Variants in DNAH17 observed in about 807,000 individuals in gnomAD.
The protein encoded by DNAH17 is dynein axonemal heavy chain 17, also known as axonemal beta dynein heavy chain 17.
Under a neutral mutation model 485.6 loss-of-function variants are expected in DNAH17, and 376 were observed. That is an observed-to-expected ratio of 0.77 (90% CI 0.71 to 0.84). The LOEUF is 0.84. DNAH17 is among the 40% of genes least tolerant of loss of function. The probability of loss-of-function intolerance (pLI) is 0.00; values close to 1 mark genes in which losing one functional copy is unlikely to be tolerated. For missense variants in DNAH17, 6,370 were observed against 5,839.3 expected (o/e 1.09, Z -2.96); for synonymous variants, 3,031 against 2,405.9 (o/e 1.26, Z -7.60).
In DNAH17 at chr17:78,450,194, G is replaced by T. The variant is rs1245054113; in HGVS notation, c.11040+60C>A. ...GGCTGTGTGGGCAACAGGCCTGGCT[G>T]TGGAGCCCAGATGCAGCCCCACCTT... On this transcript the variant is annotated intron_variant, in intron 68 of 80. Coordinates refer to ENST00000389840, the MANE Select transcript of DNAH17 (RefSeq NM_173628.4). 2.5e-6 allele frequency: 4 copies of T among 1,596,404 alleles called. No homozygotes were observed. In the African/African-American group the frequency reaches 5.4e-5, roughly 21 times the overall value.
intron 25 of DNAH17, among the ~76,000 whole-genome samples, chr17:78,521,345 G>T (rs564651646): frequency 1.3e-5 from 2 of 152,244 alleles, no homozygotes; most frequent in Non-Finnish European, 2.9e-5. Context: ...GGTGGAGGTT[G>T]CAGTGAGCCA....
Position 78,479,554 on chromosome 17 carries a change from G to A in DNAH17, c.7831C>T (p.His2611Tyr). 6.2e-7 allele frequency: 1 copy of A among 1,613,688 alleles called. No homozygotes were observed. The highest frequency in any genetic ancestry group is 1.1e-5 in the South Asian group (1 of 91,082). The change falls in exon 50 of 81, where the codon CAC becomes TAC. Residue 2611 changes from histidine (H) to tyrosine (Y), a missense_variant. His to Tyr is a moderately conservative substitution (Grantham distance 83). Transcript: ENST00000389840. ...TTIYNTILTQ[H>Y]LAFRSVSMAI... The stretch of plus-strand genomic sequence containing the variant: ...ATGGAGACCGAGCGGAAGGCCAGGT[G>A]CTGCGTCAGGATTGTGTTGTAGATG...
chr17:78,477,975 TCATCATCACCAC>T (rs1403597143), intron 51 of DNAH17, among the ~76,000 whole-genome samples: 43 of 105,680 alleles, frequency 4.1e-4, no homozygotes, highest in African/African-American at 2.4e-3. Flanking sequence ...ACCACCACCA[TCATCATCACCAC>T]CATCACCACC....
At chr17:78,531,049 T>C (rs573138825) in intron 20 of DNAH17, among the ~76,000 whole-genome samples, 1 of 152,238 alleles carries the variant, frequency 6.6e-6, no homozygotes. Context: ...TCTGTAGCTG[T>C]CTGTTGGTCC....
intron 51 of DNAH17, among the ~76,000 whole-genome samples, chr17:78,477,742 C>T (rs2089100460): frequency 6.6e-6 from 1 of 152,114 alleles, no homozygotes; most frequent in Non-Finnish European, 1.5e-5. Context: ...AACTCCTGCT[C>T]AGTAAAATGG....
At position 78,451,455 on chromosome 17, in the gene DNAH17, C is replaced by A; in HGVS notation, c.10734+14G>T. 6.3e-7 allele frequency: 1 copy of A among 1,599,922 alleles called. No homozygotes were observed. The highest frequency in any genetic ancestry group is 8.5e-7 in the Non-Finnish European group (1 of 1,173,650). On this transcript the variant is annotated intron_variant, in intron 66 of 80. Coordinates refer to ENST00000389840, the MANE Select transcript of DNAH17 (RefSeq NM_173628.4). ...CGGCACCTCCTCCCGTGTGACCAAA[C>A]TTCAGGCCATTACCTTCAGCTGTTC...
At position 78,458,575 on chromosome 17, in the gene DNAH17, G is replaced by C; in HGVS notation, c.9967C>G (p.Leu3323Val). 1 of 1,613,892 alleles carries C rather than the reference G, an allele frequency of 6.2e-7. No homozygotes were observed. Among genetic ancestry groups the C allele is most frequent in the African/African-American group, 1.3e-5 (1 of 75,042 alleles). Residue 3323 changes from leucine (L) to valine (V), a missense_variant, in exon 62 of 81, where the codon CTG becomes GTG. Leu to Val is a conservative substitution (Grantham distance 32). Coordinates refer to ENST00000389840, the MANE Select transcript of DNAH17 (RefSeq NM_173628.4). ...EADATNRVIL[L>V]ANRLVGGLAS... ...GGGAGGAGCTGATACCTGTTCGCCA[G>C]TAAGATCACCCTGTTCGTGGCATCG...
intron 16 of DNAH17, among the ~76,000 whole-genome samples, chr17:78,547,048 C>G (rs1372832029): frequency 6.6e-6 from 1 of 152,170 alleles, no homozygotes; most frequent in African/African-American, 2.4e-5. Context: ...ATGGTTTCTA[C>G]CATTTATATT....
chr17:78,461,862 A>G (rs553239656), intron 57 of DNAH17, among the ~76,000 whole-genome samples, 154 bp from the exon 58 acceptor site: 6 of 152,206 alleles, frequency 3.9e-5, no homozygotes, highest in South Asian at 2.1e-4. Flanking sequence ...AGTCTTTTCA[A>G]TATCTTAAAA....
intron 74 of DNAH17, among the ~76,000 whole-genome samples, chr17:78,435,003 G>A (rs993577156): frequency 6.6e-6 from 1 of 152,198 alleles, no homozygotes; most frequent in Non-Finnish European, 1.5e-5. Flanking sequence ...CCTGTCCTGG[G>A]CATCATGGAA....
At chr17:78,468,944 C>T in intron 54 of DNAH17, 61 bp from the exon 55 acceptor site, 1 of 1,555,732 alleles carries the variant, frequency 6.4e-7, no homozygotes, top group South Asian at 1.2e-5. Flanking sequence ...TAGAGACATC[C>T]TCCACAACCA....
At chr17:78,564,754 C>T (rs1324009413) in intron 11 of DNAH17, among the ~76,000 whole-genome samples, 1 of 152,134 alleles carries the variant, frequency 6.6e-6, no homozygotes, top group Non-Finnish European at 1.5e-5. Context: ...AACTCAAATC[C>T]AGTGCCTGAC....
intron 48 of DNAH17, among the ~76,000 whole-genome samples, chr17:78,484,496 G>A (rs1272147329): frequency 6.6e-6 from 1 of 152,096 alleles, no homozygotes; most frequent in African/African-American, 2.4e-5. Context: ...GTTTTCCTCA[G>A]GGCTCTTCCT....
At chr17:78,497,847 T>TA (rs1256687598) in intron 37 of DNAH17, among the ~76,000 whole-genome samples, 6 of 152,080 alleles carry the variant, frequency 3.9e-5, no homozygotes, top group Non-Finnish European at 7.4e-5. Context: ...AGTTGGTGTA[T>TA]AAAGCAGGCT....
chr17:78,443,047 C>T (rs540558601), intron 71 of DNAH17, among the ~76,000 whole-genome samples: 152 of 152,314 alleles, frequency 1.0e-3, no homozygotes, highest in Non-Finnish European at 1.9e-3. Flanking sequence ...GAGGGATGAT[C>T]TGCGCTCATG....
chr17:78,574,907 C>T lies in DNAH17; in HGVS notation c.151G>A (p.Val51Met). Reference sequence around the variant, plus strand: ...GCTGCATTGAGCGTCAGCACCAGCACCTGGACGTCGGGCTTTTCAAAGAAC... The same window carrying T: ...GCTGCATTGAGCGTCAGCACCAGCATCTGGACGTCGGGCTTTTCAAAGAAC... Reference protein sequence around the residue: ...TEFFEKPDVQVLVLTLNAAGM... With the variant: ...TEFFEKPDVQMLVLTLNAAGM... The change falls in exon 2 of 81, where the codon GTG becomes ATG. Residue 51 changes from valine to methionine, a missense_variant. Val to Met is a conservative substitution (Grantham distance 21, BLOSUM62 1). Coordinates refer to ENST00000389840, the MANE Select transcript of DNAH17 (RefSeq NM_173628.4). The T allele has an allele frequency of 6.2e-7, 1 of 1,614,004 alleles. No individual in the cohort carries two copies. Among genetic ancestry groups the T allele is most frequent in the Admixed American group, 1.7e-5 (1 of 60,028 alleles).
chr17:78,507,274 G>T lies in DNAH17; in HGVS notation c.4676+4C>A. ...CCCCTGGTCTGGATAGGTGTGAGCCGCACCTCTTCTTCAGGGCCTCCAGTT... is the reference window on the plus strand; with the variant it reads ...CCCCTGGTCTGGATAGGTGTGAGCCTCACCTCTTCTTCAGGGCCTCCAGTT... On this transcript the variant is annotated splice_donor_region_variant and intron_variant, in intron 29 of 80. Coordinates refer to ENST00000389840, the MANE Select transcript of DNAH17 (RefSeq NM_173628.4). 1 of 1,613,814 alleles carries T rather than the reference G, an allele frequency of 6.2e-7. No individual in the cohort carries two copies. The highest frequency in any genetic ancestry group is 1.7e-4 in the Middle Eastern group (1 of 6,060).
intron 54 of DNAH17, among the ~76,000 whole-genome samples, chr17:78,473,475 C>G (rs190571487): frequency 2.8e-4 from 40 of 140,992 alleles, no homozygotes; most frequent in Non-Finnish European, 5.1e-4. Context: ...ACCCGGGAAG[C>G]GGAGCTTGCA....
In DNAH17 at chr17:78,572,882, G is replaced by C; in HGVS notation, c.358C>G (p.Leu120Val). The C allele has an allele frequency of 6.2e-7, 1 of 1,613,660 alleles. No individual in the cohort carries two copies. The highest frequency in any genetic ancestry group is 8.5e-7 in the Non-Finnish European group (1 of 1,179,756). The change falls in exon 3 of 81, where the codon CTG becomes GTG. Residue 120 changes from leucine (L) to valine (V), a missense_variant. By Grantham distance (32) the Leu-to-Val change is conservative (BLOSUM62 1). Coordinates refer to ENST00000389840, the MANE Select transcript of DNAH17 (RefSeq NM_173628.4). ...GCCATGTTCTCACTTTGGTTTAACA[G>C]AGAAGAGAGGACCTAAAAGGAAACA... ...IAVVEEVLSS[L>V]LNQSENMAGW...
Sources: gnomAD v4.1 joint callset for allele counts (sites outside exome capture counted in the v4.1 genomes callset) on GRCh38, gnomAD v4.1.1 for gene constraint, MANE v1.5 for transcripts, NCBI Gene and HGNC (gene_info 2026-07-23, HGNC 2026-07-21) for gene names.